GOLGA4: variants seen among roughly 807,000 people sequenced by gnomAD.
GOLGA4 encodes golgin A4.
Under a neutral mutation model 265.9 loss-of-function variants are expected in GOLGA4, and 169 were observed. That is an observed-to-expected ratio of 0.64 (90% confidence interval 0.56 to 0.72). The LOEUF (loss-of-function observed/expected upper bound fraction) is 0.72. GOLGA4 is among the 30% of genes least tolerant of loss of function. The pLI, the probability that GOLGA4 is intolerant of heterozygous loss-of-function variation, is 0.00. For missense variants in GOLGA4, 2,482 were observed against 2,483.4 expected (o/e 1.00, Z 0.01); for synonymous variants, 923 against 855.8 (o/e 1.08, Z -1.37).
chr3:37,308,113 A>G (rs924808813), intron 10 of GOLGA4, among the ~76,000 whole-genome samples: 6 of 151,920 alleles, frequency 3.9e-5, no homozygotes, highest in Admixed American at 2.6e-4. Flanking sequence ...TGTGCCTGTA[A>G]TCCCAGCTAC....
chr3:37,267,043 A>T (rs975346766), intron 2 of GOLGA4: 3 of 408,838 alleles, frequency 7.3e-6, no homozygotes, highest in Non-Finnish European at 1.4e-5. Flanking sequence ...CCATCTCTCA[A>T]AGTATCTTCA....
chr3:37,319,235 T>C, intron 12 of GOLGA4, 41 bp downstream of exon 12: 2 of 1,501,982 alleles, frequency 1.3e-6, no homozygotes, highest in Non-Finnish European at 9.1e-7. Context: ...GGTATACTTC[T>C]CAGAGTTACA....
At chr3:37,285,910 C>T (rs921389963) in intron 3 of GOLGA4, 104 bp from the exon 4 acceptor site, 2 of 638,794 alleles carry the variant, frequency 3.1e-6, no homozygotes, top group Non-Finnish European at 5.7e-6. Context: ...ATTAAGGACT[C>T]TTCTAATTTA....
At chr3:37,250,478 A>G (rs1054531833) in intron 1 of GOLGA4, 2 of 152,208 alleles carry the variant, frequency 1.3e-5, no homozygotes, top group Non-Finnish European at 2.9e-5. Context: ...ACGACCTCTC[A>G]GTTCCACCCT....
chr3:37,328,276 T>A (rs1339123306), intron 14 of GOLGA4, 140 bp from the exon 15 acceptor site: 46 of 717,014 alleles, frequency 6.4e-5, no homozygotes, highest in Admixed American at 2.2e-4. Context: ...ACACTCACTC[T>A]CACACTCTCT....
At chr3:37,365,293 G>A (rs1042351662) in intron 23 of GOLGA4, among the ~76,000 whole-genome samples, 1 of 152,062 alleles carries the variant, frequency 6.6e-6, no homozygotes, top group African/African-American at 2.4e-5. Flanking sequence ...TTTTGAGGCA[G>A]TCTCTCACTC....
intron 2 of GOLGA4, among the ~76,000 whole-genome samples, chr3:37,258,049 A>ATATATATGTATG (rs2096757836): frequency 2.2e-5 from 1 of 44,856 alleles, no homozygotes; most frequent in East Asian, 2.8e-4. Flanking sequence ...ATACATACAT[A>ATATATATGTATG]TATATATGTA....
intron 13 of GOLGA4, 44 bp from the exon 14 acceptor site, chr3:37,323,544 C>A: frequency 8.5e-7 from 1 of 1,181,678 alleles, no homozygotes; most frequent in Non-Finnish European, 1.2e-6. Flanking sequence ...TGTTAGTAGA[C>A]AAGTACGTAC....
intron 4 of GOLGA4, among the ~76,000 whole-genome samples, chr3:37,287,173 T>C (rs1385353035): frequency 6.6e-6 from 1 of 152,156 alleles, no homozygotes; most frequent in Non-Finnish European, 1.5e-5. Flanking sequence ...AAACCCTGTC[T>C]CTACTAAAAA....
At chr3:37,363,765 A>G (rs1200913212) in intron 23 of GOLGA4, among the ~76,000 whole-genome samples, 2 of 152,232 alleles carry the variant, frequency 1.3e-5, no homozygotes, top group Non-Finnish European at 2.9e-5. Context: ...AGTTTTCCAA[A>G]TAATGTCTCC....
chr3:37,357,546 A>T (rs1341504285), intron 22 of GOLGA4, among the ~76,000 whole-genome samples: 2 of 152,196 alleles, frequency 1.3e-5, no homozygotes, highest in African/African-American at 4.8e-5. Flanking sequence ...CCAAAATACG[A>T]TATGAGATGA....
At chr3:37,350,752 A>G (rs1210412980) in intron 21 of GOLGA4, among the ~76,000 whole-genome samples, 1 of 152,160 alleles carries the variant, frequency 6.6e-6, no homozygotes, top group African/African-American at 2.4e-5. Flanking sequence ...GTGCATATAA[A>G]GTTACATTTA....
At chr3:37,276,654 C>T in intron 2 of GOLGA4, 1 of 1,451,864 alleles carries the variant, frequency 6.9e-7, no homozygotes, top group Non-Finnish European at 9.5e-7. Context: ...TTGTAACTAG[C>T]TTTAAACTAG....
chr3:37,315,754 A>T, intron 11 of GOLGA4, among the ~76,000 whole-genome samples, 156 bp downstream of exon 11: 1 of 152,208 alleles, frequency 6.6e-6, no homozygotes, highest in East Asian at 1.9e-4. Flanking sequence ...AGATAAATGC[A>T]TTTAATACTT....
At chr3:37,261,492 C>A (rs1390984626) in intron 2 of GOLGA4, among the ~76,000 whole-genome samples, 1 of 152,044 alleles carries the variant, frequency 6.6e-6, no homozygotes, top group African/African-American at 2.4e-5. Context: ...AGAATTAAGC[C>A]CTATGGAAAA....
At chr3:37,255,302 C>A (rs1242112009) in intron 2 of GOLGA4, among the ~76,000 whole-genome samples, 1 of 152,132 alleles carries the variant, frequency 6.6e-6, no homozygotes, top group Non-Finnish European at 1.5e-5. Flanking sequence ...ACTGGGATTA[C>A]AGGCACCCAC....
rs1559427372 is a variant in GOLGA4, at chr3:37,323,738, A to T, written c.1852A>T (p.Ser618Cys). 1 of 1,613,888 alleles carries T rather than the reference A, an allele frequency of 6.2e-7. No individual in the cohort carries two copies. Among genetic ancestry groups the T allele is most frequent in the East Asian group, 2.2e-5 (1 of 44,856 alleles). ...MVEKHKTELE[S>C]LKHQQDALWT... ...TGAAAAACACAAGACAGAATTGGAA[A>T]GCCTTAAGCATCAGCAGGATGCCCT... The change falls in exon 14 of 24, where the codon AGC becomes TGC. Residue 618 changes from serine to cysteine, a missense_variant. Transcript: ENST00000361924.
At chr3:37,339,972 A>C (rs1437986206) in intron 19 of GOLGA4, 152 bp from the exon 20 acceptor site, 6 of 421,842 alleles carry the variant, frequency 1.4e-5, no homozygotes, top group Non-Finnish European at 2.6e-5. Context: ...TTTTTCGCAG[A>C]AACAATTCTT....
At chr3:37,311,583 A>G (rs2096923287) in intron 10 of GOLGA4, among the ~76,000 whole-genome samples, 1 of 152,232 alleles carries the variant, frequency 6.6e-6, no homozygotes, top group South Asian at 2.1e-4. Context: ...TTGATTTAAC[A>G]TCTGAAGGAA....
Sources: gnomAD v4.1 joint callset for allele counts (sites outside exome capture counted in the v4.1 genomes callset) on GRCh38, gnomAD v4.1.1 for gene constraint, MANE v1.5 for transcripts, NCBI Gene and HGNC (gene_info 2026-07-23, HGNC 2026-07-21) for gene names.